MX1: variants seen among roughly 807,000 people sequenced by gnomAD.
MX1 encodes the protein MX dynamin like GTPase 1.
MX1 carries 66 observed loss-of-function variants against 66.4 expected under a neutral mutation model. That is an observed-to-expected ratio of 0.99 (90% CI 0.82 to 1.22). MX1 has a LOEUF of 1.22. Ranked by LOEUF, MX1 falls within the 50% of genes most tolerant of loss-of-function variation. The pLI, the probability that MX1 is intolerant of heterozygous loss-of-function variation, is 0.00. For synonymous variants in MX1, 311 were observed against 318.1 expected (o/e 0.98, Z 0.24); for missense variants, 787 against 834.3 (o/e 0.94, Z 0.70).
Position 41,432,062 on chromosome 21 carries a change from A to G in MX1, c.-9A>G, listed in dbSNP as rs1228126368. 4 of 1,613,882 alleles carry G rather than the reference A, an allele frequency of 2.5e-6. No homozygotes were observed. Among genetic ancestry groups the G allele is most frequent in the Non-Finnish European group, 3.4e-6 (4 of 1,179,954 alleles). On this transcript the variant is annotated 5_prime_UTR_variant, in exon 5 of 17. Transcript: ENST00000398598. ...GCTTTATTTTAAGCTTACTTTGCAA[A>G]GAAGGAAGATGGTTGTTTCCGAAGT...
At chr21:41,452,537 T>C in intron 15 of MX1, 84 bp from the exon 16 acceptor site, 1 of 1,443,918 alleles carries the variant, frequency 6.9e-7, no homozygotes, top group Non-Finnish European at 9.4e-7. Context: ...GGTAACCTGG[T>C]ATTTACGGAC....
chr21:41,431,165 AACAC>A (rs1330574043), intron 4 of MX1, among the ~76,000 whole-genome samples: 1 of 151,852 alleles, frequency 6.6e-6, no homozygotes, highest in Non-Finnish European at 1.5e-5. Context: ...TGGGACTACA[AACAC>A]ACACCACCAC....
chr21:41,426,014 G>C (rs1451177086), upstream of MX1: 1 of 156,846 alleles, frequency 6.4e-6, no homozygotes, highest in African/African-American at 2.4e-5. Context: ...TCCTCAGACG[G>C]GCCTGATGAA....
At chr21:41,438,225 T>C (rs1568976765) in intron 7 of MX1, among the ~76,000 whole-genome samples, 1 of 152,248 alleles carries the variant, frequency 6.6e-6, no homozygotes, top group Non-Finnish European at 1.5e-5. Flanking sequence ...TAAATAATGT[T>C]ATTGACAAAC....
upstream of MX1, among the ~76,000 whole-genome samples, chr21:41,423,451 CT>C (rs2090013815): frequency 1.3e-5 from 2 of 152,222 alleles, no homozygotes; most frequent in African/African-American, 4.8e-5. Context: ...GTCCCTCCCC[CT>C]GTGCTCTCAG....
Position 41,452,622 on chromosome 21 carries a change from C to G in MX1, c.1511C>G (p.Ser504Cys). ...GTATTTATTTATTTTTTACTGTAGT[C>G]CAAAATTGAAGACATTAGAGCAGAA... is the stretch of plus-strand genomic sequence containing the variant. ...EFFNLHRTAK[S>C]KIEDIRAEQE... Residue 504 changes from serine (S) to cysteine (C), a missense_variant and splice_region_variant, in exon 16 of 17, where the codon TCC (serine) becomes TGC (cysteine). Physicochemically the swap from Ser to Cys is moderately radical, Grantham distance 112 (BLOSUM62 -1). Coordinates refer to ENST00000398598, the MANE Select transcript of MX1 (RefSeq NM_002462.5). The G allele has an allele frequency of 6.3e-7, 1 of 1,593,438 alleles. No individual in the cohort carries two copies. The highest frequency in any genetic ancestry group is 1.4e-5 in the African/African-American group (1 of 73,784).
At chr21:41,425,443 A>G (rs1189422854), upstream of MX1, among the ~76,000 whole-genome samples, 1 of 152,194 alleles carries the variant, frequency 6.6e-6, no homozygotes, top group Non-Finnish European at 1.5e-5. Context: ...ACAAATCACA[A>G]TGGTGGAATG....
At chr21:41,454,904 CTTTCTT>C (rs2146361781) in intron 16 of MX1, among the ~76,000 whole-genome samples, 1 of 145,144 alleles carries the variant, frequency 6.9e-6, no homozygotes, top group East Asian at 2.2e-4. Context: ...GAGATTCTGC[CTTTCTT>C]TTTTTTTTTT....
chr21:41,458,593 C>A lies in MX1; in HGVS notation c.1824C>A (p.Tyr608Ter). 4 of 1,609,612 alleles carry A rather than the reference C, an allele frequency of 2.5e-6. No individual in the cohort carries two copies. The highest frequency in any genetic ancestry group is 3.4e-6 in the Non-Finnish European group (4 of 1,178,128). Residue 608 changes from tyrosine (Y) to a stop codon, truncating the protein, a stop_gained, in exon 17 of 17, where the codon TAC (tyrosine) becomes TAA (stop). Coordinates refer to ENST00000398598, the MANE Select transcript of MX1 (RefSeq NM_002462.5). LOFTEE classifies it low-confidence loss of function (END_TRUNC). ...TCCAGTTCTTCATGCTCCAGACGTA[C>A]GGCCAGCAGCTTCAGAAGGCCATGC... ...LIIQFFMLQT[Y>*]GQQLQKAMLQ... is the part of the protein sequence containing the mutation.
intron 4 of MX1, chr21:41,431,753 C>A: frequency 7.2e-6 from 2 of 279,166 alleles, no homozygotes; most frequent in South Asian, 7.8e-5. Flanking sequence ...AGATTACAGG[C>A]GTGAGCCCCG....
rs573237917 is a variant in MX1, at chr21:41,442,051, G to A, written c.929+137G>A. The A allele has an allele frequency of 2.2e-5, 17 of 774,556 alleles. No individual in the cohort carries two copies. In the South Asian group the frequency reaches 2.6e-4, roughly 12 times the overall value. The allele number at this position is 774,556 out of a possible 1,614,324, so 48.0% of individuals were successfully genotyped here. A position where few individuals can be genotyped will look rare whatever the true frequency, so the allele number is the denominator to read the frequency against. ...CGTGTGTGTGTGTGCGCGTGTGTGTGTGACTATGCTTGTTCCCCAACAAGG... is the reference window on the plus strand; with the variant it reads ...CGTGTGTGTGTGTGCGCGTGTGTGTATGACTATGCTTGTTCCCCAACAAGG... On this transcript the variant is annotated intron_variant, in intron 10 of 16. Coordinates refer to ENST00000398598, the MANE Select transcript of MX1 (RefSeq NM_002462.5).
At chr21:41,421,133 A>C (rs2146005463) in intron 1 of MX1, among the ~76,000 whole-genome samples, 1 of 152,336 alleles carries the variant, frequency 6.6e-6, no homozygotes. Context: ...ACACGTGAAC[A>C]AAGGTCTTTG....
upstream of MX1, among the ~76,000 whole-genome samples, chr21:41,425,413 T>A (rs564764357): frequency 6.6e-6 from 1 of 152,240 alleles, no homozygotes; most frequent in East Asian, 1.9e-4. Flanking sequence ...AGTACATTGA[T>A]CAGTTAGGGT....
In MX1 at chr21:41,458,708, C is replaced by T. The variant is rs2146398108; in HGVS notation, c.1939C>T (p.Leu647Phe). 1 of 1,614,082 alleles carries T rather than the reference C, an allele frequency of 6.2e-7. No individual in the cohort carries two copies. The highest frequency in any genetic ancestry group is 1.3e-5 in the African/African-American group (1 of 75,084). ...CAAGCGGAAGTTCCTGAAGGAGCGG[C>T]TTGCACGGCTGACGCAGGCTCGGCG... Reference protein sequence around the residue: ...SDKRKFLKERLARLTQARRRL... With the variant: ...SDKRKFLKERFARLTQARRRL... Residue 647 changes from leucine (L) to phenylalanine (F), a missense_variant, in exon 17 of 17, where the codon CTT (leucine) becomes TTT (phenylalanine). By Grantham distance (22) the Leu-to-Phe change is conservative. Coordinates refer to ENST00000398598, the MANE Select transcript of MX1 (RefSeq NM_002462.5).
intron 12 of MX1, chr21:41,445,798 C>T (rs17000959): frequency 0.021 from 17,419 of 827,326 alleles, 850 homozygotes; most frequent in East Asian, 0.14. Flanking sequence ...TACTCTGTCA[C>T]GAGCATCACC....
Position 41,441,055 on chromosome 21 carries a change from G to GTGAGAATGGGGGAGCCCACCTGTGCTCGA in MX1, c.730+47_730+48insACCTGTGCTCGATGAGAATGGGGGAGCCC, listed in dbSNP as rs1568980567. On this transcript the variant is annotated intron_variant, in intron 9 of 16. Coordinates refer to ENST00000398598, the MANE Select transcript of MX1 (RefSeq NM_002462.5). This position sits in a 1 kb window ranked among gnomAD's most constrained non-coding sequence, Gnocchi z 4.0. ...GAGTGGGGGAGCCCCACTGTGCTCA[G>GTGAGAATGGGGGAGCCCACCTGTGCTCGA]TGAGAATGGGGGAGCCCGCCTGTGC... 5.3e-4 allele frequency: 797 copies of GTGAGAATGGGGGAGCCCACCTGTGCTCGA among 1,504,250 alleles called. 4 individuals are homozygous for GTGAGAATGGGGGAGCCCACCTGTGCTCGA. In the Middle Eastern group the frequency reaches 6.1e-3, roughly 11 times the overall value. 93.2% of individuals were successfully genotyped at this position (1,504,250 alleles called of 1,614,324 possible).
chr21:41,424,219 G>C (rs1362535160), upstream of MX1, among the ~76,000 whole-genome samples: 1 of 136,146 alleles, frequency 7.3e-6, no homozygotes, highest in Non-Finnish European at 1.6e-5. Flanking sequence ...AAGGCCCAGA[G>C]GGGTTGAGTG....
upstream of MX1, chr21:41,421,254 T>C: frequency 6.6e-6 from 1 of 152,332 alleles, no homozygotes. Flanking sequence ...ACCTCCAGCC[T>C]TAAAGTGGTT....
intron 15 of MX1, among the ~76,000 whole-genome samples, chr21:41,451,605 C>T (rs13047535): frequency 0.51 from 76,759 of 151,632 alleles, 20,741 homozygotes; most frequent in African/African-American, 0.71. Flanking sequence ...AGGCTGAGGC[C>T]GGTAGATGAC....
Sources: allele counts gnomAD v4.1 joint callset (sites outside exome capture counted in the v4.1 genomes callset), GRCh38; gene constraint gnomAD v4.1.1; non-coding constraint Gnocchi (gnomAD v3.1); transcripts MANE v1.5; gene names NCBI Gene and HGNC (gene_info 2026-07-23, HGNC 2026-07-21).